Variants in KLRG1 observed in about 807,000 individuals in gnomAD.
KLRG1 encodes the protein killer cell lectin-like receptor subfamily G member 1.
KLRG1 carries 16 observed loss-of-function variants against 21.8 expected under a neutral mutation model. That is an observed-to-expected ratio of 0.73 (90% CI 0.50 to 1.11). The LOEUF is 1.11. Among genes scored for constraint, KLRG1 ranks in the 50% most tolerant of loss-of-function variants. The pLI, the probability that KLRG1 is intolerant of heterozygous loss-of-function variation, is 0.00. For missense variants in KLRG1, 173 were observed against 218.3 expected (o/e 0.79, Z 1.31); for synonymous variants, 69 against 75.9 (o/e 0.91, Z 0.47).
the KLRG1 span, among the ~76,000 whole-genome samples, chr12:9,125,014 C>T: frequency 4.6e-5 from 7 of 152,330 alleles, no homozygotes; most frequent in South Asian, 1.4e-3. Flanking sequence ...GACAGGAAGA[C>T]CAGTTGCAGA....
At chr12:9,097,054 A>G in the KLRG1 span, among the ~76,000 whole-genome samples, 103 of 152,324 alleles carry the variant, frequency 6.8e-4, no homozygotes, top group African/African-American at 2.3e-3. Flanking sequence ...CTTCTGCTTT[A>G]TTATTAATAA....
the KLRG1 span, among the ~76,000 whole-genome samples, chr12:9,101,911 A>C: frequency 2.0e-5 from 3 of 152,168 alleles, no homozygotes; most frequent in African/African-American, 7.2e-5. Context: ...TTAAGAGCAT[A>C]AAAGGAGGCA....
chr12:9,085,500 T>C, the KLRG1 span, among the ~76,000 whole-genome samples: 55 of 151,802 alleles, frequency 3.6e-4, no homozygotes, highest in African/African-American at 1.3e-3. Flanking sequence ...AAACATAGCA[T>C]AAAGTAAAAG....
At position 9,009,703 on chromosome 12, in the gene KLRG1, G is replaced by A; in HGVS notation, c.*166G>A. 1 of 1,426,366 alleles carries A rather than the reference G, an allele frequency of 7.0e-7. No individual in the cohort carries two copies. Among genetic ancestry groups the A allele is most frequent in the Non-Finnish European group, 9.1e-7 (1 of 1,094,936 alleles). The allele number at this position is 1,426,366 out of a possible 1,614,324, so 88.4% of individuals were successfully genotyped here. On this transcript the variant is annotated 3_prime_UTR_variant, in exon 5 of 5. Coordinates refer to ENST00000356986, the MANE Select transcript of KLRG1 (RefSeq NM_005810.4). ...ACCTCCTAGGGATTGATGCCTAACT[G>A]ATGGATTCTCTTTGAGACTATTTAG...
At chr12:9,075,816 C>G in the KLRG1 span, among the ~76,000 whole-genome samples, 3 of 152,258 alleles carry the variant, frequency 2.0e-5, no homozygotes, top group East Asian at 5.8e-4. Flanking sequence ...GGTAGTGATA[C>G]ACAAGGGATT....
the KLRG1 span, among the ~76,000 whole-genome samples, chr12:9,136,169 C>A: frequency 6.6e-6 from 1 of 152,130 alleles, no homozygotes; most frequent in Admixed American, 6.6e-5. Context: ...GCCATGGCAA[C>A]GGGTTTTTAA....
intron 2 of KLRG1, 81 bp downstream of exon 2, chr12:8,992,391 C>CA: frequency 9.9e-7 from 1 of 1,011,708 alleles, no homozygotes; most frequent in Non-Finnish European, 1.5e-6. Context: ...TTTGAAAAAT[C>CA]AAAAAATAAT....
Position 9,009,064 on chromosome 12 carries a change from A to G in KLRG1, c.447A>G (p.Leu149=). 6.2e-7 allele frequency: 1 copy of G among 1,612,268 alleles called. No homozygotes were observed. The highest frequency in any genetic ancestry group is 8.5e-7 in the Non-Finnish European group (1 of 1,178,796). The change falls in exon 4 of 5, where the codon CTA becomes CTG. Residue 149 remains leucine (L), a synonymous_variant. Coordinates refer to ENST00000356986, the MANE Select transcript of KLRG1 (RefSeq NM_005810.4). ...SGWRWEDGSP[L]NFSRISSNSF... is the part of the protein sequence containing the mutation. The stretch of plus-strand genomic sequence containing the variant: ...GGAGGTGGGAAGATGGATCACCTCT[A>G]AACTTCTCAAGGTAAGGGGCTTCAA...
the KLRG1 span, chr12:9,109,854 T>C: frequency 6.3e-7 from 1 of 1,579,516 alleles, no homozygotes; most frequent in Non-Finnish European, 8.6e-7. Context: ...TGATGACTTT[T>C]CATGATCCAT....
chr12:9,097,459 G>C, the KLRG1 span, among the ~76,000 whole-genome samples: 2 of 152,048 alleles, frequency 1.3e-5, no homozygotes, highest in Non-Finnish European at 2.9e-5. Context: ...TTCCAATTCA[G>C]CATATCCTTT....
chr12:9,149,186 A>G, the KLRG1 span, among the ~76,000 whole-genome samples: 1 of 152,204 alleles, frequency 6.6e-6, no homozygotes, highest in Non-Finnish European at 1.5e-5. Context: ...AGCCAATGTT[A>G]ATAATAAGTG....
chr12:8,977,818 C>T (rs143429263), intron 1 of KLRG1, among the ~76,000 whole-genome samples: 8 of 152,102 alleles, frequency 5.3e-5, no homozygotes, highest in Non-Finnish European at 1.0e-4. Flanking sequence ...CAAATCTGTA[C>T]AGTGTTGCTT....
the KLRG1 span, among the ~76,000 whole-genome samples, chr12:9,204,945 T>G: frequency 6.6e-6 from 1 of 151,738 alleles, no homozygotes; most frequent in African/African-American, 2.4e-5. Context: ...AAAATTAAAA[T>G]AAAAAATTTA....
chr12:9,107,121 G>T, the KLRG1 span, among the ~76,000 whole-genome samples: 1 of 152,080 alleles, frequency 6.6e-6, no homozygotes, highest in Non-Finnish European at 1.5e-5. Flanking sequence ...TTCAGCTGTG[G>T]CTGGGAAGCG....
At chr12:9,110,203 G>A in the KLRG1 span, 58 of 1,137,616 alleles carry the variant, frequency 5.1e-5, no homozygotes, top group African/African-American at 8.3e-4. Flanking sequence ...GAGTTTGAAG[G>A]CTTCTCCTTT....
At chr12:9,204,887 G>T in the KLRG1 span, among the ~76,000 whole-genome samples, 1 of 152,014 alleles carries the variant, frequency 6.6e-6, no homozygotes, top group Non-Finnish European at 1.5e-5. Flanking sequence ...TTGAGGCCAG[G>T]AGTTTGAGAA....
chr12:8,959,463 C>T (rs1375771904), intron 1 of KLRG1, among the ~76,000 whole-genome samples: 3 of 152,134 alleles, frequency 2.0e-5, no homozygotes, highest in East Asian at 1.9e-4. Context: ...CCAGCCAATC[C>T]GTTGTTTCAG....
chr12:9,076,198 T>A, the KLRG1 span, among the ~76,000 whole-genome samples: 1 of 152,234 alleles, frequency 6.6e-6, no homozygotes, highest in African/African-American at 2.4e-5. Context: ...CAGGTAAGGG[T>A]TGGGCATATA....
At chr12:9,159,797 A>G in the KLRG1 span, 1 of 740,498 alleles carries the variant, frequency 1.4e-6, no homozygotes, top group Non-Finnish European at 2.1e-6. Flanking sequence ...CTTCATAGCT[A>G]TAAGAAATAA....
Sources: gnomAD v4.1 joint callset for allele counts (sites outside exome capture counted in the v4.1 genomes callset) on GRCh38, gnomAD v4.1.1 for gene constraint, MANE v1.5 for transcripts, NCBI Gene and HGNC (gene_info 2026-07-23, HGNC 2026-07-21) for gene names.